HHIPL1: variants seen among roughly 807,000 people sequenced by gnomAD.
HHIPL1 encodes the protein HHIP-like protein 1.
HHIPL1 carries 43 observed loss-of-function variants against 61.8 expected under a neutral mutation model. That is an observed-to-expected ratio of 0.70 (90% CI 0.55 to 0.90). HHIPL1 has a LOEUF of 0.90. Among genes scored for constraint, HHIPL1 ranks in the 40% least tolerant of loss-of-function variants. HHIPL1 has a pLI of 0.00. For missense variants in HHIPL1, 1,056 were observed against 1,157.7 expected (o/e 0.91, Z 1.28); for synonymous variants, 482 against 515.8 (o/e 0.93, Z 0.89).
At chr14:99,656,539 G>C (rs1398599137) in intron 2 of HHIPL1, among the ~76,000 whole-genome samples, 1 of 152,032 alleles carries the variant, frequency 6.6e-6, no homozygotes, top group Non-Finnish European at 1.5e-5. Flanking sequence ...ACTTTGGGAA[G>C]CCAAGGTGGG....
chr14:99,622,594 C>T, the HHIPL1 span, among the ~76,000 whole-genome samples: 1 of 152,180 alleles, frequency 6.6e-6, no homozygotes, highest in African/African-American at 2.4e-5. Flanking sequence ...CTGTCTGGCT[C>T]CCACCAAACC....
the HHIPL1 span, among the ~76,000 whole-genome samples, chr14:99,628,900 T>G: frequency 3.3e-5 from 5 of 152,204 alleles, no homozygotes; most frequent in African/African-American, 1.2e-4. Flanking sequence ...GTAGTGCTTC[T>G]GGAAATTCGA....
chr14:99,613,123 G>A, the HHIPL1 span, among the ~76,000 whole-genome samples: 4 of 151,858 alleles, frequency 2.6e-5, no homozygotes, highest in African/African-American at 7.3e-5. Flanking sequence ...AGGCCTTGTC[G>A]TGACCTGCCC....
At chr14:99,638,342 C>A in the HHIPL1 span, among the ~76,000 whole-genome samples, 1 of 152,196 alleles carries the variant, frequency 6.6e-6, no homozygotes, top group Non-Finnish European at 1.5e-5. Context: ...TGGGGACAGG[C>A]GGCCTGTCGG....
chr14:99,673,705 T>TGGTGCACTGAGGGGGGG (rs1186101841), intron 8 of HHIPL1, among the ~76,000 whole-genome samples: 4 of 6,824 alleles, frequency 5.9e-4, no homozygotes, highest in East Asian at 4.9e-3. Context: ...CTGAGGGGGG[T>TGGTGCACTGAGGGGGGG]GCACCTGGAG....
chr14:99,663,554 C>T (rs2056190095), intron 6 of HHIPL1, among the ~76,000 whole-genome samples: 1 of 152,160 alleles, frequency 6.6e-6, no homozygotes, highest in South Asian at 2.1e-4. Flanking sequence ...TCAGCAAAGT[C>T]TGTATTTTGT....
intron 6 of HHIPL1, among the ~76,000 whole-genome samples, chr14:99,667,105 C>A (rs1191482009): frequency 6.6e-6 from 1 of 152,218 alleles, no homozygotes; most frequent in East Asian, 1.9e-4. Flanking sequence ...TGCCCCCAGT[C>A]CAGCTGAGCT....
the HHIPL1 span, among the ~76,000 whole-genome samples, chr14:99,631,106 TTC>T: frequency 3.1e-3 from 371 of 121,520 alleles, 1 homozygote; most frequent in African/African-American, 7.8e-3. Context: ...CTTTCTTTCT[TTC>T]TCTCTCTTTC....
chr14:99,653,556 C>T (rs920988486), intron 2 of HHIPL1, among the ~76,000 whole-genome samples: 4 of 152,182 alleles, frequency 2.6e-5, no homozygotes, highest in Non-Finnish European at 5.9e-5. Flanking sequence ...TGGTCTTGAA[C>T]TCCTGAGCTC....
chr14:99,662,216 CCA>C (rs141381581), intron 5 of HHIPL1, among the ~76,000 whole-genome samples: 25,410 of 152,074 alleles, frequency 0.17, 2,421 homozygotes, highest in East Asian at 0.26. Context: ...CACTGCAACC[CCA>C]GAGAGCCTGT....
intron 7 of HHIPL1, 53 bp from the exon 8 acceptor site, chr14:99,672,264 C>T: frequency 6.8e-7 from 1 of 1,481,134 alleles, no homozygotes; most frequent in Non-Finnish European, 9.2e-7. Flanking sequence ...AAAAGGCACC[C>T]TCAGGGTGGG....
the HHIPL1 span, among the ~76,000 whole-genome samples, chr14:99,631,390 G>A: frequency 3.8e-4 from 58 of 152,114 alleles, no homozygotes; most frequent in East Asian, 0.01. Context: ...TTTCAAATAC[G>A]GTCACCTTCT....
chr14:99,648,001 A>G (rs1205823365), intron 1 of HHIPL1, among the ~76,000 whole-genome samples: 3 of 152,128 alleles, frequency 2.0e-5, no homozygotes. Context: ...ATGGTTTCTG[A>G]TGGAGATCTC....
At chr14:99,637,178 AAG>A in the HHIPL1 span, among the ~76,000 whole-genome samples, 2 of 143,946 alleles carry the variant, frequency 1.4e-5, no homozygotes, top group African/African-American at 5.1e-5. Flanking sequence ...AAAAGAAAGA[AAG>A]AAAGAATGGA....
At position 99,652,643 on chromosome 14, in the gene HHIPL1, C is replaced by T. The variant is rs1183950507; in HGVS notation, c.675C>T (p.Arg225=). 1.9e-6 allele frequency: 3 copies of T among 1,613,470 alleles called. No individual in the cohort carries two copies. Among genetic ancestry groups the T allele is most frequent in the Middle Eastern group, 1.6e-4 (1 of 6,084 alleles). Reference sequence around the variant, plus strand: ...TGGTGTGGGCCTACCTGCCCGACCGCTCGAGGCTGGGGAAGCCTTTCCTGA... The same window carrying T: ...TGGTGTGGGCCTACCTGCCCGACCGTTCGAGGCTGGGGAAGCCTTTCCTGA... ...VGLVWAYLPD[R]SRLGKPFLNI... Residue 225 remains arginine, a synonymous_variant, in exon 2 of 9, where the codon CGC becomes CGT. Transcript: ENST00000330710.
At chr14:99,664,265 T>A (rs2056204739) in intron 6 of HHIPL1, among the ~76,000 whole-genome samples, 1 of 152,204 alleles carries the variant, frequency 6.6e-6, no homozygotes, top group African/African-American at 2.4e-5. Flanking sequence ...CCCCCAGGGC[T>A]GTGTCTGGGA....
chr14:99,635,573 A>T, the HHIPL1 span, among the ~76,000 whole-genome samples: 3 of 152,110 alleles, frequency 2.0e-5, no homozygotes, highest in African/African-American at 7.2e-5. Flanking sequence ...CTCTGAAGGC[A>T]TCATTAGTTC....
the HHIPL1 span, chr14:99,624,821 C>G: frequency 6.6e-6 from 1 of 152,396 alleles, no homozygotes; most frequent in Admixed American, 6.5e-5. Flanking sequence ...GAACCGCTGA[C>G]CTTTTGCCCT....
the HHIPL1 span, among the ~76,000 whole-genome samples, chr14:99,633,990 G>A: frequency 6.6e-6 from 1 of 152,190 alleles, no homozygotes; most frequent in South Asian, 2.1e-4. Flanking sequence ...CCAGGGACAC[G>A]TGGAAGCCTG....
Sources: gnomAD v4.1 joint callset for allele counts (sites outside exome capture counted in the v4.1 genomes callset) on GRCh38, gnomAD v4.1.1 for gene constraint, MANE v1.5 for transcripts, NCBI Gene and HGNC (gene_info 2026-07-23, HGNC 2026-07-21) for gene names.